Variants in ATE1 observed in about 807,000 individuals in gnomAD.
ATE1 encodes the protein arginyl-tRNA--protein transferase 1.
ATE1 carries 36 observed loss-of-function variants against 70.5 expected under a neutral mutation model. The ratio of observed to expected loss-of-function variants is 0.51; its 90% confidence interval spans 0.39 to 0.67. ATE1 has a LOEUF of 0.67. Ranked by LOEUF, ATE1 falls within the 30% of genes least tolerant of loss-of-function variation. The probability of loss-of-function intolerance (pLI) is 0.00; values close to 1 mark genes in which losing one functional copy is unlikely to be tolerated. For missense variants in ATE1, 593 were observed against 629.5 expected (o/e 0.94, Z 0.62); for synonymous variants, 232 against 219.3 (o/e 1.06, Z -0.51).
chr10:121,769,129 C>T (rs1398981573), intron 11 of ATE1, among the ~76,000 whole-genome samples: 1 of 151,968 alleles, frequency 6.6e-6, no homozygotes, highest in African/African-American at 2.4e-5. Flanking sequence ...ATAACTTTTC[C>T]CTAATTTCAA....
intron 11 of ATE1, among the ~76,000 whole-genome samples, chr10:121,783,371 AAAC>A (rs1166809622): frequency 7.2e-5 from 11 of 152,172 alleles, no homozygotes; most frequent in Admixed American, 4.6e-4. Context: ...CTTAAAATAG[AAAC>A]AACAAGTCAC....
Position 121,904,887 on chromosome 10 carries a change from C to T in ATE1, c.584-2267G>A, listed in dbSNP as rs571637325. ...ACAACTTCATTAACATGTTTTCTAACTAAAAATAAAGTTTACTTATTAAAA... is the reference window on the plus strand; with the variant it reads ...ACAACTTCATTAACATGTTTTCTAATTAAAAATAAAGTTTACTTATTAAAA... On this transcript the variant is annotated intron_variant, in intron 5 of 11. Coordinates refer to ENST00000224652, the MANE Select transcript of ATE1 (RefSeq NM_001001976.3). Among the ~76,000 whole-genome samples the T allele has an allele frequency of 9.2e-5, 14 of 152,202 alleles. 1 individual carries two copies. In the South Asian group the frequency reaches 2.1e-3, roughly 23 times the overall value.
At chr10:121,751,989 C>T (rs1944598393) in intron 11 of ATE1, among the ~76,000 whole-genome samples, 1 of 151,576 alleles carries the variant, frequency 6.6e-6, no homozygotes, top group South Asian at 2.1e-4. Flanking sequence ...GTCAGGAAAT[C>T]GAGACCATCC....
At chr10:121,772,164 T>A (rs11200140) in intron 11 of ATE1, among the ~76,000 whole-genome samples, 37,201 of 152,152 alleles carry the variant, frequency 0.24, 5,204 homozygotes, top group Non-Finnish European at 0.32. Flanking sequence ...AGCGCCAAAC[T>A]GGCATCCAAT....
rs894035248 is a variant in ATE1 at position 121,872,510 on chromosome 10, AT to A, written c.943-2473del. ...CTCTTTTAGAGCATCAGTAAAACCCATTTTTTTTTATGTTTCACTTCAGTTA... is the reference window on the plus strand; with the variant it reads ...CTCTTTTAGAGCATCAGTAAAACCCATTTTTTTTATGTTTCACTTCAGTTA... On this transcript the variant is annotated intron_variant, in intron 7 of 11. Coordinates refer to ENST00000224652, the MANE Select transcript of ATE1 (RefSeq NM_001001976.3). Among the ~76,000 whole-genome samples, 303 of 151,338 alleles carry A rather than the reference AT, an allele frequency of 2.0e-3. 1 individual carries two copies. The highest frequency in any genetic ancestry group is 5.7e-3 in the African/African-American group (237 of 41,256).
chr10:121,742,290 T>C lies in ATE1; in HGVS notation c.*1390A>G, dbSNP rs908254908. 1 of 152,232 alleles carries C rather than the reference T, an allele frequency of 6.6e-6. No homozygotes were observed. Among genetic ancestry groups the C allele is most frequent in the Admixed American group, 6.5e-5 (1 of 15,284 alleles). 9.4% of individuals were successfully genotyped at this position (152,232 alleles called of 1,614,324 possible). On this transcript the variant is annotated 3_prime_UTR_variant, in exon 12 of 12. Coordinates refer to ENST00000224652, the MANE Select transcript of ATE1 (RefSeq NM_001001976.3). Reference sequence around the variant, plus strand: ...GTTAGCTGAGGATATTTTCAAATTTTTGTCAAAATTCAGTACATTTTAGAG... The same window carrying C: ...GTTAGCTGAGGATATTTTCAAATTTCTGTCAAAATTCAGTACATTTTAGAG...
intron 7 of ATE1, among the ~76,000 whole-genome samples, chr10:121,874,011 G>T (rs1271055193): frequency 2.0e-5 from 3 of 151,988 alleles, no homozygotes. Flanking sequence ...TATACTTCCA[G>T]TTATATTTCC....
chr10:121,905,201 G>C (rs1277371855), intron 5 of ATE1, among the ~76,000 whole-genome samples: 1 of 152,138 alleles, frequency 6.6e-6, no homozygotes, highest in South Asian at 2.1e-4. Context: ...GTTAATACCT[G>C]TGCAGCTCAT....
Position 121,743,413 on chromosome 10 carries a change from G to T in ATE1, c.*267C>A. On this transcript the variant is annotated 3_prime_UTR_variant, in exon 12 of 12. Coordinates refer to ENST00000224652, the MANE Select transcript of ATE1 (RefSeq NM_001001976.3). ...TTACAAAATACAAACAGGAGAATTTGAGCGTATCTTGCTCTAGAAAGAATC... is the reference window on the plus strand; with the variant it reads ...TTACAAAATACAAACAGGAGAATTTTAGCGTATCTTGCTCTAGAAAGAATC... 1 of 430,360 alleles carries T rather than the reference G, an allele frequency of 2.3e-6. No homozygotes were observed. The highest frequency in any genetic ancestry group is 3.5e-6 in the Non-Finnish European group (1 of 287,482). 26.7% of individuals were successfully genotyped at this position (430,360 alleles called of 1,614,324 possible). A position where few individuals can be genotyped will look rare whatever the true frequency, so the allele number is the denominator to read the frequency against.
At chr10:121,862,665 C>A (rs760822978) in intron 8 of ATE1, among the ~76,000 whole-genome samples, 5 of 150,662 alleles carry the variant, frequency 3.3e-5, no homozygotes, top group African/African-American at 7.3e-5. Context: ...TGAGCTAACG[C>A]GCCAGGCCTC....
intron 8 of ATE1, among the ~76,000 whole-genome samples, chr10:121,869,097 AG>A (rs1590570713): frequency 6.6e-6 from 1 of 152,240 alleles, no homozygotes; most frequent in African/African-American, 2.4e-5. Context: ...GAAGCCTAAG[AG>A]GAGAACACAA....
chr10:121,790,053 C>T (rs1946373034), intron 11 of ATE1, 116 bp downstream of exon 11: 3 of 1,371,310 alleles, frequency 2.2e-6, no homozygotes, highest in Non-Finnish European at 3.0e-6. Flanking sequence ...CACTCATGCA[C>T]AGCATACTCT....
At chr10:121,783,353 T>C (rs1946074987) in intron 11 of ATE1, among the ~76,000 whole-genome samples, 1 of 152,164 alleles carries the variant, frequency 6.6e-6, no homozygotes, top group Non-Finnish European at 1.5e-5. Flanking sequence ...TAAGATGTCA[T>C]AAAGCTCCTT....
intron 8 of ATE1, among the ~76,000 whole-genome samples, chr10:121,847,694 G>A (rs189793372): frequency 7.0e-6 from 1 of 143,670 alleles, no homozygotes; most frequent in Non-Finnish European, 1.5e-5. Flanking sequence ...GGAGTCAGAG[G>A]TTGCAGTAAG....
intron 7 of ATE1, among the ~76,000 whole-genome samples, chr10:121,895,299 A>G (rs1378444067): frequency 6.6e-6 from 1 of 152,238 alleles, no homozygotes; most frequent in Admixed American, 6.5e-5. Flanking sequence ...AGAATTTTCT[A>G]TAAAAGCCAA....
At chr10:121,847,362 C>A (rs550912246) in intron 8 of ATE1, among the ~76,000 whole-genome samples, 2 of 151,844 alleles carry the variant, frequency 1.3e-5, no homozygotes, top group Admixed American at 6.6e-5. Context: ...GCAGGAGAAT[C>A]GCTTGAACCC....
intron 11 of ATE1, among the ~76,000 whole-genome samples, chr10:121,764,691 A>G (rs1051675489): frequency 1.3e-5 from 2 of 152,180 alleles, no homozygotes; most frequent in African/African-American, 4.8e-5. Context: ...AAGCCTCCCT[A>G]CTGAACCTCA....
At chr10:121,849,729 A>C (rs186670749) in intron 8 of ATE1, among the ~76,000 whole-genome samples, 2 of 152,110 alleles carry the variant, frequency 1.3e-5, no homozygotes, top group Non-Finnish European at 2.9e-5. Context: ...CAATCAGTAC[A>C]ATTTTTTTCA....
chr10:121,858,435 A>C (rs796327886), intron 8 of ATE1, among the ~76,000 whole-genome samples: 8 of 151,968 alleles, frequency 5.3e-5, no homozygotes, highest in African/African-American at 1.9e-4. Flanking sequence ...ATGCTGAACA[A>C]ATGACAAACA....
Sources: allele counts gnomAD v4.1 joint callset (sites outside exome capture counted in the v4.1 genomes callset), GRCh38; gene constraint gnomAD v4.1.1; transcripts MANE v1.5; gene names NCBI Gene and HGNC (gene_info 2026-07-23, HGNC 2026-07-21).